KIF26B: variants seen among roughly 807,000 people sequenced by gnomAD.
KIF26B encodes kinesin family member 26B, also known as kinesin-like protein KIF26B.
KIF26B carries 63 observed loss-of-function variants against 151.2 expected under a neutral mutation model. The observed-to-expected ratio is 0.42, with a 90% CI of 0.34 to 0.51. KIF26B has a LOEUF of 0.51. Among genes scored for constraint, KIF26B ranks in the 20% least tolerant of loss-of-function variants. The pLI is 0.07. For missense variants in KIF26B, 2,813 were observed against 2,913.6 expected (o/e 0.97, Z 0.79); for synonymous variants, 1,357 against 1,262.1 (o/e 1.08, Z -1.59).
chr1:245,534,042 G>A (rs1233934501), intron 4 of KIF26B, among the ~76,000 whole-genome samples: 1 of 152,162 alleles, frequency 6.6e-6, no homozygotes, highest in Non-Finnish European at 1.5e-5. Context: ...TGAGATGAGT[G>A]AGGCTATGGA....
At chr1:245,443,880 T>C (rs938563928) in intron 4 of KIF26B, among the ~76,000 whole-genome samples, 1 of 56,466 alleles carries the variant, frequency 1.8e-5, no homozygotes, top group African/African-American at 8.0e-5. Context: ...TCTCCCTCAC[T>C]GTTCACCCTG....
At chr1:245,506,517 A>G (rs902681562) in intron 4 of KIF26B, among the ~76,000 whole-genome samples, 1 of 152,084 alleles carries the variant, frequency 6.6e-6, no homozygotes, top group Admixed American at 6.6e-5. Context: ...TGTTTTTCAA[A>G]TTAGTGGATG....
chr1:245,263,590 GT>G (rs1194213972), intron 2 of KIF26B, among the ~76,000 whole-genome samples: 1 of 152,210 alleles, frequency 6.6e-6, no homozygotes, highest in Non-Finnish European at 1.5e-5. Flanking sequence ...AGCGCCTGCT[GT>G]TGATTTCATT....
chr1:245,605,259 C>T (rs886663838), intron 6 of KIF26B, among the ~76,000 whole-genome samples: 8 of 152,172 alleles, frequency 5.3e-5, no homozygotes, highest in Non-Finnish European at 8.8e-5. Context: ...CTATTTTTAC[C>T]GTTATCACTG....
chr1:245,247,940 C>T (rs1363614758), intron 2 of KIF26B, among the ~76,000 whole-genome samples: 1 of 152,180 alleles, frequency 6.6e-6, no homozygotes, highest in East Asian at 1.9e-4. Context: ...CTCAGCTCAC[C>T]AGAGCCCGTG....
intron 2 of KIF26B, among the ~76,000 whole-genome samples, chr1:245,300,280 A>T (rs1471961407): frequency 6.6e-6 from 1 of 152,166 alleles, no homozygotes; most frequent in Non-Finnish European, 1.5e-5. Flanking sequence ...CTGTGTGTTT[A>T]TATAAATAGA....
Position 245,211,520 on chromosome 1 carries a change from C to T in KIF26B, c.465+54837C>T, listed in dbSNP as rs577470112. Among the ~76,000 whole-genome samples the T allele has an allele frequency of 2.0e-5, 3 of 152,272 alleles. No individual in the cohort carries two copies. The East Asian group carries it at 5.8e-4, about 29-fold the overall frequency. ...TCAAGCAATCCTCCTGCCTCAGCCT[C>T]TCAAGGAGCTGGGATTACAGGCATG... On this transcript the variant is annotated intron_variant, in intron 2 of 14. Transcript: ENST00000407071.
chr1:245,646,829 G>A (rs2043953304), intron 10 of KIF26B, among the ~76,000 whole-genome samples: 1 of 152,186 alleles, frequency 6.6e-6, no homozygotes, highest in Non-Finnish European at 1.5e-5. Context: ...GTTAGCACCT[G>A]CCTTCCCATG....
chr1:245,410,886 C>T (rs1165392422), intron 3 of KIF26B, among the ~76,000 whole-genome samples: 1 of 152,024 alleles, frequency 6.6e-6, no homozygotes, highest in Non-Finnish European at 1.5e-5. Flanking sequence ...TTTCATCTTC[C>T]CAAACTGTAA....
At chr1:245,316,547 T>A (rs1321084125) in intron 2 of KIF26B, among the ~76,000 whole-genome samples, 1 of 152,172 alleles carries the variant, frequency 6.6e-6, no homozygotes, top group African/African-American at 2.4e-5. Flanking sequence ...AATTTTTTTT[T>A]AATCATCATC....
chr1:245,539,822 T>G (rs1661569738), intron 4 of KIF26B, among the ~76,000 whole-genome samples: 2 of 152,074 alleles, frequency 1.3e-5, no homozygotes, highest in Admixed American at 1.3e-4. Flanking sequence ...CCGGCTAATT[T>G]TTGTATTTTT....
intron 2 of KIF26B, among the ~76,000 whole-genome samples, chr1:245,235,764 A>G (rs1371787929): frequency 6.6e-6 from 1 of 152,134 alleles, no homozygotes; most frequent in Non-Finnish European, 1.5e-5. Flanking sequence ...CTCCTGAAAT[A>G]ATAGTCAGTG....
At chr1:245,569,927 ATTT>A (rs869238168) in intron 5 of KIF26B, among the ~76,000 whole-genome samples, 37 of 47,666 alleles carry the variant, frequency 7.8e-4, no homozygotes, top group East Asian at 4.6e-3. Flanking sequence ...TAAATAGAGA[ATTT>A]TTTTTTTTTT....
At chr1:245,363,342 A>G (rs542424605) in intron 2 of KIF26B, among the ~76,000 whole-genome samples, 200 of 152,270 alleles carry the variant, frequency 1.3e-3, no homozygotes, top group South Asian at 4.8e-3. Flanking sequence ...GATTAGAGGC[A>G]TGCACCACCA....
rs747722947 is a variant in KIF26B, at chr1:245,688,165, G to A, written c.5182G>A (p.Gly1728Ser). Residue 1728 changes from glycine to serine, a missense_variant, in exon 12 of 15, where the codon GGC (glycine) becomes AGC (serine). By Grantham distance (56) the Gly-to-Ser change is moderately conservative. Coordinates refer to ENST00000407071, the MANE Select transcript of KIF26B (RefSeq NM_018012.4). Reference protein sequence around the residue: ...PPSSGASPKAGQSKISAVSRL... With the variant: ...PPSSGASPKASQSKISAVSRL... ...CAGCTCCGGGGCCTCGCCCAAGGCC[G>A]GCCAGTCCAAGATCTCCGCCGTGAG... 2.6e-5 allele frequency: 41 copies of A among 1,596,588 alleles called. No individual in the cohort carries two copies. In the African/African-American group the frequency reaches 4.7e-4, roughly 18 times the overall value.
At chr1:245,254,779 G>C (rs1358267125) in intron 2 of KIF26B, among the ~76,000 whole-genome samples, 1 of 152,162 alleles carries the variant, frequency 6.6e-6, no homozygotes, top group Non-Finnish European at 1.5e-5. Context: ...GCTGTACCCT[G>C]GGGGCTATGC....
intron 3 of KIF26B, among the ~76,000 whole-genome samples, chr1:245,374,136 T>TATATATATACAC (rs1297569545): frequency 1.2e-5 from 1 of 84,094 alleles, no homozygotes; most frequent in African/African-American, 4.3e-5. Context: ...TATATATATA[T>TATATATATACAC]ATGGGCACAA....
rs903088852 is a variant in KIF26B, at chr1:245,708,774, T to C, written c.*6168T>C. ...TGAAGACATTGTGCTAGATGATCTT[T>C]GTGGTTCCTTCAAGCTCTGGATCTC... On this transcript the variant is annotated 3_prime_UTR_variant, in exon 15 of 15. Transcript: ENST00000407071. 6.6e-6 allele frequency: 1 copy of C among 152,228 alleles called. No individual in the cohort carries two copies. Among genetic ancestry groups the C allele is most frequent in the African/African-American group, 2.4e-5 (1 of 41,452 alleles). 9.4% of individuals were successfully genotyped at this position (152,228 alleles called of 1,614,324 possible).
chr1:245,505,098 C>A (rs1475335361), intron 4 of KIF26B, among the ~76,000 whole-genome samples: 5 of 151,966 alleles, frequency 3.3e-5, no homozygotes, highest in African/African-American at 9.7e-5. Flanking sequence ...GCCACCATGC[C>A]TGGCTAATTT....
Sources: gnomAD v4.1 joint callset for allele counts (sites outside exome capture counted in the v4.1 genomes callset) on GRCh38, gnomAD v4.1.1 for gene constraint, MANE v1.5 for transcripts, NCBI Gene and HGNC (gene_info 2026-07-23, HGNC 2026-07-21) for gene names.